CCDC62: variants seen among roughly 807,000 people sequenced by gnomAD.
CCDC62 encodes the protein coiled-coil domain containing 62.
A neutral mutation model predicts 80.8 loss-of-function variants in CCDC62; 72 were observed. The observed-to-expected ratio is 0.89, with a 90% confidence interval of 0.74 to 1.08. CCDC62 has a LOEUF of 1.08. Among genes scored for constraint, CCDC62 ranks in the 50% least tolerant of loss-of-function variants. The probability of loss-of-function intolerance (pLI) is 0.00; values close to 1 mark genes in which losing one functional copy is unlikely to be tolerated. For synonymous variants in CCDC62, 286 were observed against 296.5 expected, an observed-to-expected ratio of 0.96 and a Z score of 0.36; for missense variants, 704 against 809.4, an observed-to-expected ratio of 0.87 and a Z score of 1.58.
In CCDC62 at chr12:122,780,685, G is replaced by A. The variant is rs1566067823; in HGVS notation, c.230-479G>A. 2.0e-5 allele frequency among the ~76,000 whole-genome samples: 3 copies of A among 151,242 alleles called. No homozygotes were observed. In the South Asian group the frequency reaches 6.4e-4, roughly 32 times the overall value. ...AAAATAAAATAAAAAATAGAAATAA[G>A]CTTTGGCGTAATCATTCAGTGGAAT... On this transcript the variant is annotated intron_variant, in intron 2 of 12. Transcript: ENST00000253079.
chr12:122,776,087 T>C (rs573255232), intron 1 of CCDC62, among the ~76,000 whole-genome samples: 7 of 152,370 alleles, frequency 4.6e-5, no homozygotes, highest in African/African-American at 1.7e-4. Flanking sequence ...TGGTTTACAG[T>C]GTTAATGAGA....
intron 4 of CCDC62, among the ~76,000 whole-genome samples, chr12:122,786,138 A>C (rs2030207406): frequency 6.6e-6 from 1 of 151,800 alleles, no homozygotes; most frequent in Admixed American, 6.6e-5. Context: ...AGATTGCTTG[A>C]GAGGTTTTTT....
intron 10 of CCDC62, among the ~76,000 whole-genome samples, chr12:122,811,296 C>T (rs1435981119): frequency 6.9e-6 from 1 of 144,562 alleles, no homozygotes; most frequent in Non-Finnish European, 1.5e-5. Flanking sequence ...ACCGCAACCT[C>T]CGCCTCCCAG....
intron 1 of CCDC62, among the ~76,000 whole-genome samples, chr12:122,775,878 G>A (rs1369705344): frequency 6.6e-6 from 1 of 152,224 alleles, no homozygotes; most frequent in African/African-American, 2.4e-5. Context: ...CTTCCAAAGT[G>A]CTGGGATTAC....
At chr12:122,812,767 GAGAGAGAGAGAGAA>G (rs1368779775) in intron 10 of CCDC62, among the ~76,000 whole-genome samples, 13 of 88,082 alleles carry the variant, frequency 1.5e-4, no homozygotes, top group African/African-American at 6.1e-4. Context: ...GAGAGAGAGA[GAGAGAGAGAGAGAA>G]AGAAAGAAAG....
At chr12:122,790,161 C>T (rs1273418371) in intron 5 of CCDC62, among the ~76,000 whole-genome samples, 1 of 152,204 alleles carries the variant, frequency 6.6e-6, no homozygotes, top group Non-Finnish European at 1.5e-5. Context: ...AGCAATTCTC[C>T]TGCCTCAGCC....
intron 9 of CCDC62, among the ~76,000 whole-genome samples, chr12:122,803,907 C>T (rs992299116): frequency 2.0e-4 from 30 of 152,176 alleles, no homozygotes; most frequent in African/African-American, 6.8e-4. Flanking sequence ...TTCAGATTTA[C>T]ATTCAGAGTT....
At chr12:122,817,428 G>A (rs1475992503) in intron 11 of CCDC62, among the ~76,000 whole-genome samples, 1 of 151,108 alleles carries the variant, frequency 6.6e-6, no homozygotes, top group Admixed American at 6.6e-5. Flanking sequence ...GGGTTCAAGC[G>A]ATTCTCTTGC....
chr12:122,784,251 G>A (rs986242709), intron 3 of CCDC62, among the ~76,000 whole-genome samples: 31 of 152,172 alleles, frequency 2.0e-4, no homozygotes, highest in Admixed American at 1.3e-4. Flanking sequence ...GGCCGGGCGC[G>A]GTGGCTCATG....
chr12:122,812,919 C>T (rs968327697), intron 10 of CCDC62, among the ~76,000 whole-genome samples: 4 of 151,912 alleles, frequency 2.6e-5, no homozygotes, highest in Non-Finnish European at 4.4e-5. Flanking sequence ...CACAGGTGAT[C>T]GGGTGTAGTG....
Position 122,781,197 on chromosome 12 carries a change from C to T in CCDC62, c.263C>T (p.Ser88Leu), listed in dbSNP as rs1377826231. Residue 88 changes from serine (S) to leucine (L), a missense_variant, in exon 3 of 13, where the codon TCA becomes TTA. Transcript: ENST00000253079. ...CATAAAAGAACTGAAATAATCAGGT[C>T]ACTCACGAAGAAGGTAAAAGCTCTT... ...ELHKRTEIIR[S>L]LTKKVKALES... 8.1e-6 allele frequency: 13 copies of T among 1,613,710 alleles called. No homozygotes were observed. Among genetic ancestry groups the T allele is most frequent in the African/African-American group, 1.3e-5 (1 of 74,880 alleles).
intron 12 of CCDC62, among the ~76,000 whole-genome samples, chr12:122,825,345 T>TG (rs1181068213): frequency 2.6e-5 from 3 of 115,542 alleles, no homozygotes; most frequent in African/African-American, 3.8e-5. Flanking sequence ...CTGGCTAATT[T>TG]TTTTTTTTTT....
intron 11 of CCDC62, 24 bp from the exon 12 acceptor site, chr12:122,823,342 A>G: frequency 1.3e-6 from 2 of 1,583,028 alleles, no homozygotes; most frequent in Non-Finnish European, 8.7e-7. Flanking sequence ...TATCCTGAAT[A>G]CTAATCTGGG....
chr12:122,776,806 G>GT (rs34565858), intron 1 of CCDC62: 121,033 of 151,774 alleles, frequency 0.8, 49,214 homozygotes, highest in Middle Eastern at 0.9. Flanking sequence ...ATTTTGTTTG[G>GT]TTTTTTTTGA....
At chr12:122,786,434 C>A (rs2030238579) in intron 4 of CCDC62, among the ~76,000 whole-genome samples, 1 of 149,244 alleles carries the variant, frequency 6.7e-6, no homozygotes, top group Non-Finnish European at 1.5e-5. Context: ...AGGCGTGAGC[C>A]ACCGCGCTCA....
chr12:122,816,489 GC>G (rs769472143), intron 11 of CCDC62, among the ~76,000 whole-genome samples: 7 of 152,268 alleles, frequency 4.6e-5, no homozygotes, highest in Non-Finnish European at 1.0e-4. Flanking sequence ...ACTTTGGGAG[GC>G]CAAAGCAGAT....
At chr12:122,789,042 C>A in intron 5 of CCDC62, 113 bp downstream of exon 5, 2 of 760,936 alleles carry the variant, frequency 2.6e-6, no homozygotes, top group Non-Finnish European at 4.0e-6. Context: ...GGCCTTAGAC[C>A]CTAACGTGAA....
At chr12:122,795,506 C>T (rs907262480) in intron 6 of CCDC62, among the ~76,000 whole-genome samples, 12 of 151,218 alleles carry the variant, frequency 7.9e-5, no homozygotes, top group African/African-American at 2.9e-4. Flanking sequence ...TCACTGCAAG[C>T]TCAGCCTCCT....
intron 5 of CCDC62, among the ~76,000 whole-genome samples, chr12:122,791,800 G>A (rs2030623878): frequency 6.6e-6 from 1 of 152,206 alleles, no homozygotes; most frequent in African/African-American, 2.4e-5. Context: ...TCACAGGAGA[G>A]GCAAGGCTGG....
Sources: gnomAD v4.1 joint callset for allele counts (sites outside exome capture counted in the v4.1 genomes callset) on GRCh38, gnomAD v4.1.1 for gene constraint, MANE v1.5 for transcripts, NCBI Gene and HGNC (gene_info 2026-07-23, HGNC 2026-07-21) for gene names.